Variants in RSPO4 observed in about 807,000 individuals in gnomAD.
RSPO4 encodes the protein R-spondin 4.
A neutral mutation model predicts 24.8 loss-of-function variants in RSPO4; 23 were observed. The observed-to-expected ratio is 0.93, with a 90% CI of 0.67 to 1.31. The LOEUF (loss-of-function observed/expected upper bound fraction) is 1.31, where lower values mean the gene tolerates loss of function less well. Ranked by LOEUF, RSPO4 falls within the 40% of genes most tolerant of loss-of-function variation. RSPO4 has a pLI of 0.00. For synonymous variants in RSPO4, 141 were observed against 127.4 expected (o/e 1.11, Z -0.72); for missense variants, 333 against 316.5 (o/e 1.05, Z -0.39).
intron 1 of RSPO4, among the ~76,000 whole-genome samples, chr20:996,593 G>A (rs1005433069): frequency 2.0e-5 from 3 of 152,162 alleles, no homozygotes; most frequent in African/African-American, 4.8e-5. Flanking sequence ...CATACGATCT[G>A]TTGCCTATTC....
Position 981,515 on chromosome 20 carries a change from C to T in RSPO4, c.80-13377G>A, listed in dbSNP as rs751487234. Among the ~76,000 whole-genome samples the T allele has an allele frequency of 4.6e-5, 7 of 151,986 alleles. No homozygotes were observed. Among genetic ancestry groups the T allele is most frequent in the African/African-American group, 1.7e-4 (7 of 41,392 alleles). ...CTCCAGCCTGGGCGACAGAGTGAGA[C>T]GCTGTCTCAAAAAAGATAAGATATA... On this transcript the variant is annotated intron_variant, in intron 1 of 4. Coordinates refer to ENST00000217260, the MANE Select transcript of RSPO4 (RefSeq NM_001029871.4). This position sits in a 1 kb window ranked among gnomAD's most constrained non-coding sequence, Gnocchi z 4.6.
chr20:996,695 C>A (rs992062250), intron 1 of RSPO4, among the ~76,000 whole-genome samples: 1 of 152,226 alleles, frequency 6.6e-6, no homozygotes. Context: ...CAATACCCAG[C>A]CCAGGGCCTG....
chr20:994,839 C>T (rs1985222971), intron 1 of RSPO4, among the ~76,000 whole-genome samples: 3 of 152,182 alleles, frequency 2.0e-5, no homozygotes, highest in African/African-American at 7.2e-5. Context: ...GCTGGGATTA[C>T]AGGCGTGAGC....
intron 1 of RSPO4, among the ~76,000 whole-genome samples, chr20:999,809 AT>A (rs200751893): frequency 1.3e-4 from 19 of 151,876 alleles, no homozygotes; most frequent in Non-Finnish European, 2.1e-4. Flanking sequence ...TTTTTCTTTA[AT>A]TTTTTTGTCT....
chr20:964,628 AG>A (rs370062844), intron 3 of RSPO4, among the ~76,000 whole-genome samples: 6 of 151,950 alleles, frequency 3.9e-5, no homozygotes, highest in African/African-American at 1.4e-4. Context: ...AAGAAAAAGG[AG>A]GCCATGGACA....
chr20:964,793 T>C lies in RSPO4; in HGVS notation c.410-673A>G, dbSNP rs200590114. ...ACACACACACATATATATATACACA[T>C]ATATACACACATACACACACACACA... On this transcript the variant is annotated intron_variant, in intron 3 of 4. Coordinates refer to ENST00000217260, the MANE Select transcript of RSPO4 (RefSeq NM_001029871.4). Among the ~76,000 whole-genome samples, 295 of 104,050 alleles carry C rather than the reference T, an allele frequency of 2.8e-3. 3 individuals are homozygous for C. Among genetic ancestry groups the C allele is most frequent in the Non-Finnish European group, 3.8e-3 (228 of 60,706 alleles). 68.3% of individuals were successfully genotyped at this position (104,050 alleles called of 152,430 possible). A position where few individuals can be genotyped will look rare whatever the true frequency, so the allele number is the denominator to read the frequency against.
Position 960,474 on chromosome 20 carries a change from G to A in RSPO4, c.596-8C>T, listed in dbSNP as rs1568900149. 6.5e-7 allele frequency: 1 copy of A among 1,533,572 alleles called. No homozygotes were observed. Among genetic ancestry groups the A allele is most frequent in the Non-Finnish European group, 8.8e-7 (1 of 1,142,230 alleles). The allele number at this position is 1,533,572 out of a possible 1,614,324, so 95.0% of individuals were successfully genotyped here. ...TCTGGCCGGGGCTCCTCTCTGCAAT[G>A]AGAGGACAGAGCCCGGTGACCAAGG... On this transcript the variant is annotated splice_region_variant and splice_polypyrimidine_tract_variant and intron_variant, in intron 4 of 4. Coordinates refer to ENST00000217260, the MANE Select transcript of RSPO4 (RefSeq NM_001029871.4).
intron 1 of RSPO4, among the ~76,000 whole-genome samples, chr20:992,957 G>T (rs905477606): frequency 3.3e-5 from 5 of 152,220 alleles, no homozygotes; most frequent in Admixed American, 6.5e-5. Context: ...CAAGCCCCCA[G>T]TGCTCATCCG....
intron 1 of RSPO4, among the ~76,000 whole-genome samples, chr20:994,140 G>T (rs1985199159): frequency 6.6e-6 from 1 of 152,210 alleles, no homozygotes. Flanking sequence ...GCACCCTCAT[G>T]TCTACTCACA....
chr20:988,529 A>T (rs930912224), intron 1 of RSPO4, among the ~76,000 whole-genome samples: 10 of 152,148 alleles, frequency 6.6e-5, no homozygotes, highest in Non-Finnish European at 1.3e-4. Flanking sequence ...CACATGCTAG[A>T]CAGATCTTAG....
At chr20:1,000,221 A>G (rs1985419877) in intron 1 of RSPO4, among the ~76,000 whole-genome samples, 1 of 152,214 alleles carries the variant, frequency 6.6e-6, no homozygotes, top group African/African-American at 2.4e-5. Flanking sequence ...AGGGAAGACC[A>G]GCACACCTCA....
At chr20:963,080 C>A (rs13037075) in intron 4 of RSPO4, among the ~76,000 whole-genome samples, 4,970 of 152,340 alleles carry the variant, frequency 0.033, 196 homozygotes, top group African/African-American at 0.092. Context: ...AGTGGTCCTT[C>A]ATAGCCCCCA....
rs902915706 is a variant in RSPO4, at chr20:960,406, A to G, written c.656T>C (p.Leu219Pro). Residue 219 changes from leucine (L) to proline (P), a missense_variant, in exon 5 of 5, where the codon CTG becomes CCG. Physicochemically the swap from Leu to Pro is moderately conservative, Grantham distance 98. Coordinates refer to ENST00000217260, the MANE Select transcript of RSPO4 (RefSeq NM_001029871.4). ...KDRRPRKDRK[L>P]DRRLDVRPRQ... is the part of the protein sequence containing the mutation. Reference sequence around the variant, plus strand: ...CGGCCTCACGTCCAGCCTGCGGTCCAGCTTCCTGTCCTTGCGTGGGCGCCG... The same window carrying G: ...CGGCCTCACGTCCAGCCTGCGGTCCGGCTTCCTGTCCTTGCGTGGGCGCCG... 1 of 1,539,458 alleles carries G rather than the reference A, an allele frequency of 6.5e-7. No homozygotes were observed. Among genetic ancestry groups the G allele is most frequent in the Non-Finnish European group, 8.7e-7 (1 of 1,147,604 alleles).
At chr20:983,058 G>A (rs527246930) in intron 1 of RSPO4, among the ~76,000 whole-genome samples, 4 of 152,362 alleles carry the variant, frequency 2.6e-5, no homozygotes, top group African/African-American at 9.6e-5. Context: ...AACCTTCTAA[G>A]GGGAGCTGAA....
chr20:958,880 C>T lies in RSPO4; in HGVS notation c.*1477G>A, dbSNP rs944116. ...CCTACGTGTTCAGGCCAACCAGTCA[C>T]GGCAAATACAAATCCCGTTTCTGAG... On this transcript the variant is annotated 3_prime_UTR_variant, in exon 5 of 5. Transcript: ENST00000217260. 6,322 of 152,516 alleles carry T rather than the reference C, an allele frequency of 0.041. 155 individuals carry two copies. The highest frequency in any genetic ancestry group is 0.081 in the Middle Eastern group (24 of 296). 9.4% of individuals were successfully genotyped at this position (152,516 alleles called of 1,614,324 possible).
chr20:995,170 C>T (rs765476563), intron 1 of RSPO4, among the ~76,000 whole-genome samples: 1 of 152,154 alleles, frequency 6.6e-6, no homozygotes, highest in Non-Finnish European at 1.5e-5. Flanking sequence ...ATTCTAGAAC[C>T]CTTCTCCAGA....
chr20:975,384 G>A (rs1984531079), intron 1 of RSPO4, among the ~76,000 whole-genome samples: 1 of 152,158 alleles, frequency 6.6e-6, no homozygotes, highest in South Asian at 2.1e-4. Flanking sequence ...ACAGTGGATG[G>A]CAGGCACCCC....
chr20:960,465 CT>C lies in RSPO4; in HGVS notation c.596del (p.Glu199GlyfsTer27). 1 of 1,538,412 alleles carries C rather than the reference CT, an allele frequency of 6.5e-7. No individual in the cohort carries two copies. Among genetic ancestry groups the C allele is most frequent in the South Asian group, 1.2e-5 (1 of 84,068 alleles). On this transcript the variant is annotated frameshift_variant and splice_region_variant, in exon 5 of 5. Transcript: ENST00000217260. LOFTEE classifies it low-confidence loss of function (END_TRUNC). ...KCPIQRPCPG[E>X]RSPGQKKGRK... ...TGCCCTTCTTCTGGCCGGGGCTCCT[CT>C]CTGCAATGAGAGGACAGAGCCCGGT...
intron 3 of RSPO4, among the ~76,000 whole-genome samples, chr20:965,247 A>C (rs1334569722): frequency 1.5e-5 from 2 of 136,520 alleles, no homozygotes; most frequent in South Asian, 2.6e-4. Flanking sequence ...TGGGTCTTGA[A>C]GTGGGGGTGG....
Sources: gnomAD v4.1 joint callset for allele counts (sites outside exome capture counted in the v4.1 genomes callset) on GRCh38, gnomAD v4.1.1 for gene constraint, Gnocchi (gnomAD v3.1) non-coding constraint, MANE v1.5 for transcripts, NCBI Gene and HGNC (gene_info 2026-07-23, HGNC 2026-07-21) for gene names.